RFX7: variants seen among roughly 807,000 people sequenced by gnomAD.
RFX7 encodes regulatory factor X7.
A neutral mutation model predicts 111.8 loss-of-function variants in RFX7; 26 were observed. The observed-to-expected ratio is 0.23, with a 90% CI of 0.17 to 0.32. The LOEUF (loss-of-function observed/expected upper bound fraction) is 0.32. Ranked by LOEUF, RFX7 falls within the 10% of genes least tolerant of loss-of-function variation. The pLI is 1.00. For synonymous variants in RFX7, 624 were observed against 624.4 expected (o/e 1.00, Z 0.01); for missense variants, 1,573 against 1,772.9 (o/e 0.89, Z 2.02).
chr15:56,163,653 G>T (rs528811744), intron 3 of RFX7, among the ~76,000 whole-genome samples: 90 of 152,262 alleles, frequency 5.9e-4, no homozygotes, highest in African/African-American at 2.1e-3. Context: ...AGTAATCAAG[G>T]ATGGTCTCAC....
At chr15:56,152,014 A>C (rs1438506000) in intron 3 of RFX7, among the ~76,000 whole-genome samples, 1 of 152,232 alleles carries the variant, frequency 6.6e-6, no homozygotes, top group Admixed American at 6.5e-5. Flanking sequence ...TAACTATCCT[A>C]AATATATACG....
intron 3 of RFX7, among the ~76,000 whole-genome samples, chr15:56,176,213 G>A (rs932177204): frequency 2.6e-5 from 4 of 152,124 alleles, no homozygotes; most frequent in Non-Finnish European, 5.9e-5. Context: ...TTCAACATAC[G>A]TGAAATGGGC....
chr15:56,210,536 C>T (rs1001128269), intron 2 of RFX7, among the ~76,000 whole-genome samples: 4 of 152,008 alleles, frequency 2.6e-5, no homozygotes, highest in Non-Finnish European at 5.9e-5. Flanking sequence ...GGAACATTCA[C>T]CAAGACAGAT....
Position 56,202,789 on chromosome 15 carries a change from G to A in RFX7, c.162-23486C>T, listed in dbSNP as rs145903426. On this transcript the variant is annotated intron_variant, in intron 2 of 9. Transcript: ENST00000559447. ...ATTGTGCCACTGCACTCCAGTCTGG[G>A]CGACAGGGCAAGACCTTGTCTCTAA... is the stretch of plus-strand genomic sequence containing the variant. 2.4e-3 allele frequency among the ~76,000 whole-genome samples: 362 copies of A among 152,312 alleles called. 2 individuals carry two copies. Among genetic ancestry groups the A allele is most frequent in the Admixed American group, 4.6e-3 (70 of 15,304 alleles).
At chr15:56,160,886 G>A (rs1259667911) in intron 3 of RFX7, 1 of 151,982 alleles carries the variant, frequency 6.6e-6, no homozygotes. Flanking sequence ...GGGGGTGGCA[G>A]GGATAAGTGA....
At chr15:56,198,370 T>G (rs770371668) in intron 2 of RFX7, among the ~76,000 whole-genome samples, 69 of 152,256 alleles carry the variant, frequency 4.5e-4, no homozygotes, top group Non-Finnish European at 8.7e-4. Context: ...AACGTATGTC[T>G]AGTTCAGTAT....
At chr15:56,206,216 AAAT>A (rs1348606572) in intron 2 of RFX7, among the ~76,000 whole-genome samples, 1 of 152,214 alleles carries the variant, frequency 6.6e-6, no homozygotes, top group African/African-American at 2.4e-5. Context: ...GGACAAAAAA[AAAT>A]GATACACATA....
At chr15:56,228,308 T>G (rs1415059526) in intron 2 of RFX7, among the ~76,000 whole-genome samples, 1 of 152,172 alleles carries the variant, frequency 6.6e-6, no homozygotes, top group African/African-American at 2.4e-5. Context: ...TTTCTTCCAC[T>G]TCTGATATTC....
intron 2 of RFX7, among the ~76,000 whole-genome samples, chr15:56,227,858 C>T (rs551067335): frequency 8.5e-5 from 13 of 152,296 alleles, no homozygotes; most frequent in Middle Eastern, 3.4e-3. Flanking sequence ...TTCCTTCTCT[C>T]TGAAGACCTC....
intron 2 of RFX7, among the ~76,000 whole-genome samples, chr15:56,210,384 A>T (rs2043300729): frequency 6.6e-6 from 1 of 152,120 alleles, no homozygotes; most frequent in Non-Finnish European, 1.5e-5. Context: ...AGAGTTCAAT[A>T]TCCCTCTATC....
chr15:56,194,720 T>C (rs1211663180), intron 2 of RFX7, among the ~76,000 whole-genome samples: 2 of 152,214 alleles, frequency 1.3e-5, no homozygotes, highest in East Asian at 3.9e-4. Flanking sequence ...AATCACACCA[T>C]GAAGACATTT....
intron 5 of RFX7, among the ~76,000 whole-genome samples, chr15:56,112,388 A>AAAAAAAAAAAAAAAAAAAACAAAAAAAAT: frequency 6.7e-6 from 1 of 150,042 alleles, no homozygotes; most frequent in South Asian, 2.1e-4. Context: ...TCAAAAAAAA[A>AAAAAAAAAAAAAAAAAAAACAAAAAAAAT]AAAAAAAAAA....
chr15:56,186,943 A>G (rs1190221030), intron 2 of RFX7, among the ~76,000 whole-genome samples: 1 of 152,160 alleles, frequency 6.6e-6, no homozygotes, highest in Non-Finnish European at 1.5e-5. Flanking sequence ...TTTTTAATGT[A>G]ATGTATTTTT....
At chr15:56,231,822 G>T (rs1370468103) in intron 2 of RFX7, among the ~76,000 whole-genome samples, 1 of 152,148 alleles carries the variant, frequency 6.6e-6, no homozygotes, top group Non-Finnish European at 1.5e-5. Context: ...ATACAATGGG[G>T]GTACAGGCAT....
rs572771506 is a variant in RFX7 at position 56,091,464 on chromosome 15, T to C, written c.*1881A>G. On this transcript the variant is annotated 3_prime_UTR_variant, in exon 10 of 10. Transcript: ENST00000559447. ...AAAAATCCTCCAGTCTTAATATTTT[T>C]ATCAAAAAAGATTTCCATTATTTTT... is the stretch of plus-strand genomic sequence containing the variant. The C allele has an allele frequency of 1.3e-5, 2 of 152,644 alleles. No individual in the cohort carries two copies. The highest frequency in any genetic ancestry group is 1.9e-4 in the East Asian group (1 of 5,184). The allele number at this position is 152,644 out of a possible 1,614,324, so 9.5% of individuals were successfully genotyped here. A position where few individuals can be genotyped will look rare whatever the true frequency, so the allele number is the denominator to read the frequency against.
chr15:56,167,937 G>A (rs2042802265), intron 3 of RFX7, among the ~76,000 whole-genome samples: 1 of 152,188 alleles, frequency 6.6e-6, no homozygotes, highest in Non-Finnish European at 1.5e-5. Flanking sequence ...TCAGTAAGAT[G>A]AGTCCAGTTT....
chr15:56,154,648 T>C (rs536463058), intron 3 of RFX7, among the ~76,000 whole-genome samples: 11 of 152,298 alleles, frequency 7.2e-5, no homozygotes, highest in African/African-American at 2.4e-4. Context: ...GATCAAAGAC[T>C]TAAACGTAAG....
At chr15:56,147,387 C>G (rs541985227) in intron 3 of RFX7, among the ~76,000 whole-genome samples, 1 of 152,090 alleles carries the variant, frequency 6.6e-6, no homozygotes, top group East Asian at 1.9e-4. Flanking sequence ...TAGGCAAATC[C>G]CTAGGGACAG....
intron 2 of RFX7, among the ~76,000 whole-genome samples, chr15:56,201,928 G>A (rs2043196696): frequency 2.0e-5 from 3 of 152,172 alleles, no homozygotes. Context: ...CTACTTGGGA[G>A]GCTGAGGCAG....
Sources: gnomAD v4.1 joint callset for allele counts (sites outside exome capture counted in the v4.1 genomes callset) on GRCh38, gnomAD v4.1.1 for gene constraint, MANE v1.5 for transcripts, NCBI Gene and HGNC (gene_info 2026-07-23, HGNC 2026-07-21) for gene names.